JAK1: variants seen among roughly 807,000 people sequenced by gnomAD.
The protein encoded by JAK1 is tyrosine-protein kinase JAK1.
A neutral mutation model predicts 136.6 loss-of-function variants in JAK1; 16 were observed. The observed-to-expected ratio is 0.12, with a 90% CI of 0.08 to 0.18. The LOEUF (loss-of-function observed/expected upper bound fraction) is 0.18. JAK1 is among the 10% of genes least tolerant of loss of function. The pLI is 1.00. For missense variants in JAK1, 859 were observed against 1,450.1 expected (o/e 0.59, Z 6.62); for synonymous variants, 492 against 519.5 (o/e 0.95, Z 0.72).
At chr1:64,895,716 C>T (rs1430163778) in intron 1 of JAK1, among the ~76,000 whole-genome samples, 1 of 152,208 alleles carries the variant, frequency 6.6e-6, no homozygotes, top group Non-Finnish European at 1.5e-5. Context: ...CCTCCTACAG[C>T]CATATAATGG....
chr1:64,841,192 G>C (rs1162046969), intron 19 of JAK1, 53 bp downstream of exon 19: 1 of 1,270,244 alleles, frequency 7.9e-7, no homozygotes, highest in Non-Finnish European at 1.2e-6. Flanking sequence ...GAGTGGCGCT[G>C]TGGATGGCGG....
intron 1 of JAK1, among the ~76,000 whole-genome samples, chr1:64,928,809 A>AAAAAAAAAAAAAAT (rs1645637834): frequency 7.0e-6 from 1 of 143,860 alleles, no homozygotes; most frequent in Non-Finnish European, 1.5e-5. Context: ...AAAAAAAAAA[A>AAAAAAAAAAAAAAT]CTCTGCAAAA....
chr1:64,888,826 T>C (rs1644891097), intron 1 of JAK1, among the ~76,000 whole-genome samples: 1 of 152,170 alleles, frequency 6.6e-6, no homozygotes, highest in East Asian at 1.9e-4. Flanking sequence ...TTCAAGACAA[T>C]ATGCATTAAC....
At chr1:64,848,645 T>C (rs964012866) in intron 12 of JAK1, among the ~76,000 whole-genome samples, 2 of 152,242 alleles carry the variant, frequency 1.3e-5, no homozygotes, top group African/African-American at 4.8e-5. Flanking sequence ...ATTCTGCTTT[T>C]AAAATTCTTA....
chr1:65,009,849 T>A (rs1045520711), intron 2 of JAK1, among the ~76,000 whole-genome samples: 4 of 152,202 alleles, frequency 2.6e-5, no homozygotes, highest in African/African-American at 9.7e-5. Context: ...CAGGTCTTGA[T>A]CCCCTTTGCT....
At chr1:65,045,602 G>C (rs1271190082) in intron 1 of JAK1, among the ~76,000 whole-genome samples, 1 of 152,170 alleles carries the variant, frequency 6.6e-6, no homozygotes, top group African/African-American at 2.4e-5. Context: ...CTGTGCAATG[G>C]TGATGATGAC....
chr1:64,949,293 C>T (rs1646040452), intron 1 of JAK1, among the ~76,000 whole-genome samples: 1 of 152,210 alleles, frequency 6.6e-6, no homozygotes, highest in South Asian at 2.1e-4. Context: ...CAATACATCA[C>T]TGTCTTAGGG....
At chr1:65,021,973 C>T (rs1025409978) in intron 2 of JAK1, among the ~76,000 whole-genome samples, 2 of 152,112 alleles carry the variant, frequency 1.3e-5, no homozygotes, top group Non-Finnish European at 2.9e-5. Context: ...AACAGGTGGA[C>T]ATGGGAAACA....
chr1:64,913,029 A>C (rs1645311149), intron 1 of JAK1, among the ~76,000 whole-genome samples: 1 of 152,012 alleles, frequency 6.6e-6, no homozygotes, highest in South Asian at 2.1e-4. Context: ...ATTATATATA[A>C]GTTTTTTTGA....
chr1:64,850,752 A>G, intron 12 of JAK1, 52 bp downstream of exon 12: 1 of 1,227,472 alleles, frequency 8.1e-7, no homozygotes, highest in Admixed American at 1.7e-5. Context: ...AAGCTGCTCC[A>G]TCGTGGGGAG....
chr1:65,020,225 CA>C (rs375362876), intron 2 of JAK1, among the ~76,000 whole-genome samples: 1,317 of 50,818 alleles, frequency 0.026, 11 homozygotes, highest in African/African-American at 0.075. Flanking sequence ...AACTCCGTCT[CA>C]AAAAAAAAAA....
At chr1:64,869,619 T>C in intron 5 of JAK1, 145 bp from the exon 6 acceptor site, 1 of 647,342 alleles carries the variant, frequency 1.5e-6, no homozygotes, top group Non-Finnish European at 2.7e-6. Context: ...AGAGCTCTTT[T>C]AAACAGAGTT....
chr1:64,969,251 G>A (rs1646428695), upstream of JAK1, among the ~76,000 whole-genome samples: 1 of 151,780 alleles, frequency 6.6e-6, no homozygotes, highest in Admixed American at 6.6e-5. Context: ...AATCACCCTA[G>A]GGCAAGGGCT....
chr1:64,933,415 G>A (rs942880031), intron 1 of JAK1, among the ~76,000 whole-genome samples: 12 of 152,176 alleles, frequency 7.9e-5, no homozygotes, highest in African/African-American at 2.4e-4. Flanking sequence ...CCTAAGTGAC[G>A]TATCCCTGTT....
At chr1:65,012,949 A>G (rs1246425989) in intron 2 of JAK1, among the ~76,000 whole-genome samples, 1 of 151,890 alleles carries the variant, frequency 6.6e-6, no homozygotes, top group Non-Finnish European at 1.5e-5. Flanking sequence ...AAACTGGTTT[A>G]GCTGGGCGTG....
rs1654766888 is a variant in JAK1 at position 64,839,704 on chromosome 1, C to T, written c.2741G>A (p.Ser914Asn). Residue 914 changes from serine (S) to asparagine (N), a missense_variant, in exon 20 of 25, where the codon AGT (serine) becomes AAT (asparagine). This residue lies in a region of JAK1 where 409 missense variants were observed against 753.8 expected (regional missense o/e 0.54). Coordinates refer to ENST00000342505, the MANE Select transcript of JAK1 (RefSeq NM_002227.4). ...QVAVKSLKPE[S>N]GGNHIADLKK... ...CAGATCAGCTATGTGGTTACCTCCA[C>T]TCTCAGGCTTCAGAGATTTAACAGC... 1 of 1,614,172 alleles carries T rather than the reference C, an allele frequency of 6.2e-7. No individual in the cohort carries two copies. The highest frequency in any genetic ancestry group is 1.1e-5 in the South Asian group (1 of 91,084).
At chr1:64,860,303 C>G (rs1169449010) in intron 8 of JAK1, 41 bp from the exon 9 acceptor site, 3 of 1,545,598 alleles carry the variant, frequency 1.9e-6, no homozygotes, top group African/African-American at 1.4e-5. Context: ...CATCATGTCT[C>G]TATCAGCTTA....
At chr1:65,009,438 C>CA (rs1339145493) in intron 2 of JAK1, among the ~76,000 whole-genome samples, 1 of 152,002 alleles carries the variant, frequency 6.6e-6, no homozygotes, top group Non-Finnish European at 1.5e-5. Context: ...ACATATGTTA[C>CA]ATGCTTAAAA....
At chr1:64,860,861 T>TGTGTGTGTGTGTGG (rs58016723) in intron 8 of JAK1, among the ~76,000 whole-genome samples, 1 of 132,244 alleles carries the variant, frequency 7.6e-6, no homozygotes, top group Admixed American at 7.6e-5. Context: ...TGTGTGTGTG[T>TGTGTGTGTGTGTGG]TGGGGGTGAC....
Sources: gnomAD v4.1 joint callset for allele counts (sites outside exome capture counted in the v4.1 genomes callset) on GRCh38, gnomAD v4.1.1 for gene constraint, gnomAD v4.1.1 regional missense constraint, MANE v1.5 for transcripts, NCBI Gene and HGNC (gene_info 2026-07-23, HGNC 2026-07-21) for gene names.